MYRIP: variants seen among roughly 807,000 people sequenced by gnomAD.
MYRIP encodes the protein myosin VIIA and Rab interacting protein.
Under a neutral mutation model 98.0 loss-of-function variants are expected in MYRIP, and 49 were observed. That is an observed-to-expected ratio of 0.50 (90% confidence interval 0.40 to 0.63). The LOEUF (loss-of-function observed/expected upper bound fraction) is 0.63, where lower values mean the gene tolerates loss of function less well. MYRIP is among the 30% of genes least tolerant of loss of function. MYRIP has a pLI of 0.00. For missense variants in MYRIP, 1,004 were observed against 1,058.2 expected, an observed-to-expected ratio of 0.95 and a Z score of 0.71; for synonymous variants, 404 against 409.5, an observed-to-expected ratio of 0.99 and a Z score of 0.16.
At chr3:39,835,190 C>T (rs1941582689) in intron 1 of MYRIP, among the ~76,000 whole-genome samples, 1 of 152,124 alleles carries the variant, frequency 6.6e-6, no homozygotes, top group Admixed American at 6.6e-5. Context: ...TGAAGCTTAT[C>T]CATCTTAAGA....
At chr3:39,997,200 A>C (rs1370365098) in intron 2 of MYRIP, among the ~76,000 whole-genome samples, 1 of 152,174 alleles carries the variant, frequency 6.6e-6, no homozygotes, top group African/African-American at 2.4e-5. Context: ...GAACTGAAGG[A>C]AATAGAGACA....
At chr3:40,158,607 C>G (rs1950301119) in intron 4 of MYRIP, among the ~76,000 whole-genome samples, 1 of 152,086 alleles carries the variant, frequency 6.6e-6, no homozygotes. Flanking sequence ...GTTAAAGTCT[C>G]CCATTATTAT....
chr3:40,258,301 C>T lies in MYRIP; in HGVS notation c.*135C>T. On this transcript the variant is annotated 3_prime_UTR_variant, in exon 17 of 17. Transcript: ENST00000302541. ...GGGGAGGCCACAGTGCACCATTGCA[C>T]AGGGCTGTCCTGATACCTCATCCAG... The T allele has an allele frequency of 2.0e-6, 2 of 992,018 alleles. No homozygotes were observed. The highest frequency in any genetic ancestry group is 2.7e-5 in the South Asian group (2 of 74,094). The allele number at this position is 992,018 out of a possible 1,614,324, so 61.5% of individuals were successfully genotyped here.
chr3:39,902,545 C>T (rs1175011290), intron 2 of MYRIP, among the ~76,000 whole-genome samples: 6 of 152,116 alleles, frequency 3.9e-5, no homozygotes, highest in Non-Finnish European at 7.4e-5. Flanking sequence ...CGTGGGTGTG[C>T]CCTAAACCTC....
At chr3:39,930,434 A>T (rs1438462053) in intron 2 of MYRIP, among the ~76,000 whole-genome samples, 5 of 152,064 alleles carry the variant, frequency 3.3e-5, no homozygotes, top group African/African-American at 9.7e-5. Context: ...TTTATGTATT[A>T]TGAATACAGT....
chr3:39,913,553 C>T (rs1944077459), intron 2 of MYRIP, among the ~76,000 whole-genome samples: 1 of 152,132 alleles, frequency 6.6e-6, no homozygotes, highest in Admixed American at 6.5e-5. Flanking sequence ...TTTATATACT[C>T]TTCTGAACAA....
chr3:40,154,831 C>A (rs1258977179), intron 4 of MYRIP, among the ~76,000 whole-genome samples: 1 of 151,908 alleles, frequency 6.6e-6, no homozygotes, highest in Non-Finnish European at 1.5e-5. Context: ...CTAAAAGAAG[C>A]ACTACATGAA....
At chr3:39,954,455 C>T (rs1283913764) in intron 2 of MYRIP, among the ~76,000 whole-genome samples, 2 of 152,152 alleles carry the variant, frequency 1.3e-5, no homozygotes, top group Non-Finnish European at 2.9e-5. Context: ...GCTGAGGGTC[C>T]TGACTGTTAG....
chr3:40,212,062 G>C (rs1951946436), intron 11 of MYRIP, among the ~76,000 whole-genome samples: 1 of 149,466 alleles, frequency 6.7e-6, no homozygotes, highest in Non-Finnish European at 1.5e-5. Context: ...ATATTCTTTT[G>C]CATGTAAAAG....
intron 1 of MYRIP, among the ~76,000 whole-genome samples, chr3:39,877,786 G>T (rs1279687997): frequency 6.6e-6 from 1 of 152,152 alleles, no homozygotes; most frequent in South Asian, 2.1e-4. Flanking sequence ...CTGCTCGGGG[G>T]TCAGGGGTCA....
intron 2 of MYRIP, among the ~76,000 whole-genome samples, chr3:39,924,407 A>G (rs1156845565): frequency 6.6e-6 from 1 of 152,162 alleles, no homozygotes; most frequent in Non-Finnish European, 1.5e-5. Context: ...CATAATGATA[A>G]ACAGGTCGAT....
At chr3:39,815,448 A>G (rs1036563632) in intron 1 of MYRIP, among the ~76,000 whole-genome samples, 1 of 152,132 alleles carries the variant, frequency 6.6e-6, no homozygotes, top group African/African-American at 2.4e-5. Context: ...TACATATCAC[A>G]TCTTAGTATC....
intron 1 of MYRIP, among the ~76,000 whole-genome samples, chr3:39,867,795 G>A (rs1186968898): frequency 6.6e-6 from 1 of 152,076 alleles, no homozygotes; most frequent in Admixed American, 6.6e-5. Flanking sequence ...TCCTACTACT[G>A]GGTATATATC....
At position 40,134,650 on chromosome 3, in the gene MYRIP, T is replaced by C. The variant is rs9866547; in HGVS notation, c.333-16398T>C. Among the ~76,000 whole-genome samples, 1,479 of 152,296 alleles carry C rather than the reference T, an allele frequency of 9.7e-3. 30 individuals are homozygous for C. Among genetic ancestry groups the C allele is most frequent in the African/African-American group, 0.031 (1,290 of 41,586 alleles). On this transcript the variant is annotated intron_variant, in intron 3 of 16. Coordinates refer to ENST00000302541, the MANE Select transcript of MYRIP (RefSeq NM_015460.4). ...GCACACCCCAGTAGGGGCGGACTGA[T>C]GCCTCACACAGCCGGGTACTCCTCT...
At position 39,859,219 on chromosome 3, in the gene MYRIP, A is replaced by C. The variant is rs531208428; in HGVS notation, c.-30-41568A>C. On this transcript the variant is annotated intron_variant, in intron 1 of 16. Transcript: ENST00000302541. Reference sequence around the variant, plus strand: ...AGGATACAACTGATACAGTGGAATTACAAAGGATCATAAGAAAGCACTGTA... The same window carrying C: ...AGGATACAACTGATACAGTGGAATTCCAAAGGATCATAAGAAAGCACTGTA... Among the ~76,000 whole-genome samples, 11 of 152,234 alleles carry C rather than the reference A, an allele frequency of 7.2e-5. No individual in the cohort carries two copies. The East Asian group carries it at 9.7e-4, about 13-fold the overall frequency.
intron 11 of MYRIP, among the ~76,000 whole-genome samples, chr3:40,225,958 C>T (rs929966588): frequency 2.6e-5 from 4 of 152,114 alleles, no homozygotes; most frequent in African/African-American, 9.7e-5. Flanking sequence ...CCTGGATGTC[C>T]ACTGTCCCTA....
At chr3:39,985,174 G>C (rs1358216234) in intron 2 of MYRIP, among the ~76,000 whole-genome samples, 60 of 150,990 alleles carry the variant, frequency 4.0e-4, no homozygotes, top group Non-Finnish European at 1.6e-4. Context: ...CAGACAAACA[G>C]AGAGCCAAAT....
At position 39,950,236 on chromosome 3, in the gene MYRIP, A is replaced by G. The variant is rs570697865; in HGVS notation, c.110+49310A>G. Among the ~76,000 whole-genome samples, 20 of 152,252 alleles carry G rather than the reference A, an allele frequency of 1.3e-4. No homozygotes were observed. The South Asian group carries it at 4.1e-3, about 32-fold the overall frequency. On this transcript the variant is annotated intron_variant, in intron 2 of 16. Transcript: ENST00000302541. Reference sequence around the variant, plus strand: ...CACATGATAGGCATTCCATGTTTGTATGTTTATATGAATGAATGCAAAGAT... The same window carrying G: ...CACATGATAGGCATTCCATGTTTGTGTGTTTATATGAATGAATGCAAAGAT...
chr3:40,069,901 C>T (rs1483071375), intron 3 of MYRIP, among the ~76,000 whole-genome samples: 2 of 152,116 alleles, frequency 1.3e-5, no homozygotes, highest in Middle Eastern at 3.2e-3. Context: ...GTTGGGGACC[C>T]CTGTCTTACC....
Sources: gnomAD v4.1 joint callset for allele counts (sites outside exome capture counted in the v4.1 genomes callset) on GRCh38, gnomAD v4.1.1 for gene constraint, MANE v1.5 for transcripts, NCBI Gene and HGNC (gene_info 2026-07-23, HGNC 2026-07-21) for gene names.